The following LRRC2 variants were observed in gnomAD, a reference collection of about 807,000 sequenced individuals.
The protein encoded by LRRC2 is leucine-rich repeat-containing protein 2.
Under a neutral mutation model 40.2 loss-of-function variants are expected in LRRC2, and 27 were observed. The observed-to-expected ratio is 0.67, with a 90% CI of 0.49 to 0.93. LRRC2 has a LOEUF of 0.93. Among genes scored for constraint, LRRC2 ranks in the 40% least tolerant of loss-of-function variants. LRRC2 has a pLI of 0.00. For synonymous variants in LRRC2, 147 were observed against 158.9 expected, an observed-to-expected ratio of 0.92 and a Z score of 0.56; for missense variants, 402 against 439.6, an observed-to-expected ratio of 0.91 and a Z score of 0.76.
chr3:46,530,075 T>C (rs752397406), intron 5 of LRRC2, 25 bp from the exon 6 acceptor site: 88 of 1,566,556 alleles, frequency 5.6e-5, no homozygotes, highest in Non-Finnish European at 7.1e-5. Flanking sequence ...CAAAATGTTC[T>C]AATTACTTTT....
chr3:46,523,283 A>C (rs1703997708), intron 7 of LRRC2, among the ~76,000 whole-genome samples: 1 of 152,206 alleles, frequency 6.6e-6, no homozygotes, highest in Admixed American at 6.5e-5. Context: ...GCAGAATGTA[A>C]TCGTGCTTCT....
At chr3:46,539,271 A>G in intron 3 of LRRC2, 70 bp from the exon 4 acceptor site, 1 of 1,453,526 alleles carries the variant, frequency 6.9e-7, no homozygotes, top group East Asian at 2.3e-5. Flanking sequence ...AAAACCAAGC[A>G]TTTATTTTAA....
Position 46,518,771 on chromosome 3 carries a change from G to C in LRRC2, c.*243C>G, listed in dbSNP as rs912419907. 13 of 421,308 alleles carry C rather than the reference G, an allele frequency of 3.1e-5. No homozygotes were observed. Among genetic ancestry groups the C allele is most frequent in the African/African-American group, 2.2e-4 (11 of 49,108 alleles). The allele number at this position is 421,308 out of a possible 1,614,324, so 26.1% of individuals were successfully genotyped here. A position where few individuals can be genotyped will look rare whatever the true frequency, so the allele number is the denominator to read the frequency against. ...AAAACATATTAAATGTGCATTATTTGGAAAAAAGTATATGCAAATGAACCT... is the reference window on the plus strand; with the variant it reads ...AAAACATATTAAATGTGCATTATTTCGAAAAAAGTATATGCAAATGAACCT... On this transcript the variant is annotated 3_prime_UTR_variant, in exon 9 of 9. Transcript: ENST00000395905.
chr3:46,515,454 T>C lies in LRRC2; in HGVS notation c.*3560A>G, dbSNP rs1703844015. On this transcript the variant is annotated 3_prime_UTR_variant, in exon 9 of 9. Transcript: ENST00000395905. The stretch of plus-strand genomic sequence containing the variant: ...ATATTCATACATGTATTCTGCCATG[T>C]AAATAACCTTTCCAAATTATGTATC... 1 of 152,208 alleles carries C rather than the reference T, an allele frequency of 6.6e-6. No individual in the cohort carries two copies. The highest frequency in any genetic ancestry group is 1.5e-5 in the Non-Finnish European group (1 of 68,034). 9.4% of individuals were successfully genotyped at this position (152,208 alleles called of 1,614,324 possible).
intron 6 of LRRC2, among the ~76,000 whole-genome samples, chr3:46,529,102 C>T (rs1426658889): frequency 2.8e-5 from 4 of 143,152 alleles, no homozygotes; most frequent in Admixed American, 7.1e-5. Context: ...GGGCAGCTAA[C>T]GGGACTCTGT....
intron 4 of LRRC2, among the ~76,000 whole-genome samples, chr3:46,536,794 A>G (rs1336029953): frequency 6.6e-6 from 1 of 152,222 alleles, no homozygotes. Context: ...AAGAATGAAT[A>G]GTACATTGGT....
At chr3:46,556,312 C>T (rs748605091) in intron 1 of LRRC2, among the ~76,000 whole-genome samples, 6 of 151,724 alleles carry the variant, frequency 4.0e-5, no homozygotes, top group African/African-American at 9.7e-5. Context: ...ATTTTTGCAG[C>T]GATAAGGTCT....
At chr3:46,539,290 G>A (rs1310249169) in intron 3 of LRRC2, 89 bp from the exon 4 acceptor site, 4 of 1,305,254 alleles carry the variant, frequency 3.1e-6, no homozygotes, top group Non-Finnish European at 3.2e-6. Context: ...AAAACAGGAA[G>A]TGAGAAAGCA....
intron 4 of LRRC2, among the ~76,000 whole-genome samples, chr3:46,533,204 T>A (rs181413212): frequency 1.4e-4 from 21 of 152,270 alleles, no homozygotes; most frequent in Non-Finnish European, 2.6e-4. Context: ...AATAACTGAT[T>A]TGTCTATTCT....
At chr3:46,525,747 G>A (rs557546579) in intron 7 of LRRC2, among the ~76,000 whole-genome samples, 10 of 152,040 alleles carry the variant, frequency 6.6e-5, no homozygotes, top group South Asian at 2.1e-4. Context: ...CATCTTTACC[G>A]CCTTTTCACC....
chr3:46,531,151 ATT>A (rs11359778), intron 5 of LRRC2, among the ~76,000 whole-genome samples: 20,092 of 138,936 alleles, frequency 0.14, 1,383 homozygotes, highest in African/African-American at 0.18. Flanking sequence ...TTATAGTTAG[ATT>A]TTTTTTTTTT....
chr3:46,535,085 C>T (rs983526413), intron 4 of LRRC2, among the ~76,000 whole-genome samples: 5 of 152,160 alleles, frequency 3.3e-5, no homozygotes, highest in African/African-American at 7.2e-5. Flanking sequence ...TCAATACTTA[C>T]GTTTGGTAAA....
rs1399362776 is a variant in LRRC2 at position 46,518,661 on chromosome 3, C to T, written c.*353G>A. Reference sequence around the variant, plus strand: ...ACAGGTGTGAGCCACCACACCCGGCCCCTTTATCTTTTGATTCCTGAAAAC... The same window carrying T: ...ACAGGTGTGAGCCACCACACCCGGCTCCTTTATCTTTTGATTCCTGAAAAC... On this transcript the variant is annotated 3_prime_UTR_variant, in exon 9 of 9. Coordinates refer to ENST00000395905, the MANE Select transcript of LRRC2 (RefSeq NM_024512.5). The T allele has an allele frequency of 5.9e-6, 1 of 169,362 alleles. No individual in the cohort carries two copies. Among genetic ancestry groups the T allele is most frequent in the African/African-American group, 2.4e-5 (1 of 42,054 alleles). 10.5% of individuals were successfully genotyped at this position (169,362 alleles called of 1,614,324 possible).
chr3:46,533,773 T>C (rs1391803316), intron 4 of LRRC2, among the ~76,000 whole-genome samples: 2 of 139,472 alleles, frequency 1.4e-5, no homozygotes, highest in Non-Finnish European at 3.1e-5. Flanking sequence ...TCCCTCCCTC[T>C]CTTTTCTTTC....
rs551868753 is a variant in LRRC2, at chr3:46,518,613, C to T, written c.*401G>A. ...CGGACCTCAGGTGATCCACCCACTT[C>T]GGCCTCCCAAAGTGCTGGGATTACA... On this transcript the variant is annotated 3_prime_UTR_variant, in exon 9 of 9. Transcript: ENST00000395905. The T allele has an allele frequency of 2.6e-5, 4 of 154,792 alleles. No homozygotes were observed. The highest frequency in any genetic ancestry group is 5.7e-5 in the Non-Finnish European group (4 of 69,862). The allele number at this position is 154,792 out of a possible 1,614,324, so 9.6% of individuals were successfully genotyped here.
chr3:46,524,175 C>T (rs907692463), intron 7 of LRRC2, among the ~76,000 whole-genome samples: 52 of 152,178 alleles, frequency 3.4e-4, no homozygotes, highest in African/African-American at 1.0e-3. Context: ...GAGAATGAGA[C>T]AGCAGAATTT....
At chr3:46,545,902 G>T (rs1404154350) in intron 2 of LRRC2, among the ~76,000 whole-genome samples, 1 of 152,162 alleles carries the variant, frequency 6.6e-6, no homozygotes, top group Non-Finnish European at 1.5e-5. Context: ...TGCACCTGGT[G>T]GGCCTTTCTT....
chr3:46,536,379 T>C (rs895864816), intron 4 of LRRC2, among the ~76,000 whole-genome samples: 4 of 152,174 alleles, frequency 2.6e-5, no homozygotes, highest in African/African-American at 9.7e-5. Flanking sequence ...ATGTACCCAA[T>C]ATGTTGGTGT....
intron 1 of LRRC2, chr3:46,559,452 G>C (rs542809475): frequency 6.6e-6 from 1 of 152,252 alleles, no homozygotes; most frequent in Admixed American, 6.5e-5. Context: ...CACAGGGCTC[G>C]TGTTCTCTAG....
Sources: allele counts gnomAD v4.1 joint callset (sites outside exome capture counted in the v4.1 genomes callset), GRCh38; gene constraint gnomAD v4.1.1; transcripts MANE v1.5; gene names NCBI Gene and HGNC (gene_info 2026-07-23, HGNC 2026-07-21).